The following METTL15 variants were observed in gnomAD, a reference collection of about 807,000 sequenced individuals.
The protein encoded by METTL15 is 12S rRNA N(4)-cytidine methyltransferase METTL15.
Under a neutral mutation model 38.3 loss-of-function variants are expected in METTL15, and 34 were observed. The observed-to-expected ratio is 0.89, with a 90% CI of 0.68 to 1.18. The LOEUF (loss-of-function observed/expected upper bound fraction) is 1.18. Ranked by LOEUF, METTL15 falls within the 50% of genes most tolerant of loss-of-function variation. The pLI is 0.00. For synonymous variants in METTL15, 162 were observed against 170.9 expected, an observed-to-expected ratio of 0.95 and a Z score of 0.41; for missense variants, 438 against 498.4, an observed-to-expected ratio of 0.88 and a Z score of 1.15.
At chr11:28,165,993 T>A (rs1412612024) in intron 3 of METTL15, among the ~76,000 whole-genome samples, 1 of 152,120 alleles carries the variant, frequency 6.6e-6, no homozygotes, top group Non-Finnish European at 1.5e-5. Context: ...TTCCATTGGT[T>A]GATGTGTCTG....
intron 3 of METTL15, among the ~76,000 whole-genome samples, chr11:28,201,610 G>GGTGTGTGTGTGTGTGTGTGTGTGTGT (rs71050951): frequency 0.056 from 8,211 of 145,518 alleles, 274 homozygotes; most frequent in Middle Eastern, 0.087. Context: ...GTCTTGGGAG[G>GGTGTGTGTGTGTGTGTGTGTGTGTGT]GTGTGTGTGT....
intron 3 of METTL15, among the ~76,000 whole-genome samples, chr11:28,115,480 A>T (rs994747759): frequency 2.0e-5 from 3 of 151,824 alleles, no homozygotes; most frequent in Non-Finnish European, 4.4e-5. Context: ...CTGGTCTCGA[A>T]CTCCTGACCT....
intron 3 of METTL15, among the ~76,000 whole-genome samples, chr11:28,149,026 G>A (rs1041381303): frequency 7.9e-5 from 12 of 151,790 alleles, no homozygotes; most frequent in South Asian, 2.1e-4. Context: ...GCAGTTTGAC[G>A]GCCAGACTAA....
intron 2 of METTL15, among the ~76,000 whole-genome samples, chr11:28,110,862 G>A (rs1193259759): frequency 6.6e-6 from 1 of 152,158 alleles, no homozygotes; most frequent in Non-Finnish European, 1.5e-5. Context: ...AACTTTGCTT[G>A]TAGAGAAAAG....
intron 4 of METTL15, among the ~76,000 whole-genome samples, chr11:28,255,402 A>G (rs975550291): frequency 6.6e-6 from 1 of 152,156 alleles, no homozygotes; most frequent in Non-Finnish European, 1.5e-5. Flanking sequence ...GCAAACAAGG[A>G]TAATTTGACT....
At chr11:28,303,009 G>T (rs748941206) in intron 6 of METTL15, among the ~76,000 whole-genome samples, 1 of 152,108 alleles carries the variant, frequency 6.6e-6, no homozygotes, top group East Asian at 1.9e-4. Flanking sequence ...TGTATTTGAT[G>T]TATTGATGTT....
chr11:28,340,310 T>C (rs966973869), intron 3 of METTL15, among the ~76,000 whole-genome samples: 1 of 152,090 alleles, frequency 6.6e-6, no homozygotes, highest in African/African-American at 2.4e-5. Context: ...TATTAAAAAA[T>C]AAGCTACATA....
intron 6 of METTL15, among the ~76,000 whole-genome samples, chr11:28,486,396 T>A (rs1430985373): frequency 1.3e-5 from 2 of 152,084 alleles, no homozygotes; most frequent in African/African-American, 2.4e-5. Flanking sequence ...TTTTTCCTTT[T>A]TTTTTTTCTC....
At position 28,108,467 on chromosome 11, in the gene METTL15, G is replaced by C. The variant is rs1280424636; in HGVS notation, c.-254+15G>C. 1 of 152,666 alleles carries C rather than the reference G, an allele frequency of 6.6e-6. No individual in the cohort carries two copies. The highest frequency in any genetic ancestry group is 2.4e-5 in the African/African-American group (1 of 41,472). 9.5% of individuals were successfully genotyped at this position (152,666 alleles called of 1,614,324 possible). On this transcript the variant is annotated intron_variant, in intron 1 of 6. Transcript: ENST00000407364. ...CAGAGTTAAGGGTGTGAGTGAGACT[G>C]CTGCGGGCAGGGGTTGGCCTATGCC...
At chr11:28,458,746 C>T (rs771845030) in intron 6 of METTL15, among the ~76,000 whole-genome samples, 6 of 152,130 alleles carry the variant, frequency 3.9e-5, no homozygotes, top group African/African-American at 9.7e-5. Context: ...CTATCCAGAG[C>T]GTATTCCCTT....
chr11:28,254,212 G>T (rs1357875573), intron 4 of METTL15, among the ~76,000 whole-genome samples: 1 of 152,066 alleles, frequency 6.6e-6, no homozygotes, highest in Non-Finnish European at 1.5e-5. Flanking sequence ...GTTTTGATTT[G>T]CACTTCTCTG....
At chr11:28,465,302 T>A (rs1427855474) in intron 6 of METTL15, among the ~76,000 whole-genome samples, 2 of 152,218 alleles carry the variant, frequency 1.3e-5, no homozygotes, top group African/African-American at 4.8e-5. Context: ...CCTCTTACCC[T>A]TCTTGTCCTT....
chr11:28,188,414 A>T (rs1406691449), intron 3 of METTL15, among the ~76,000 whole-genome samples: 3 of 151,292 alleles, frequency 2.0e-5, no homozygotes, highest in Non-Finnish European at 4.4e-5. Context: ...GTCAAGTCAG[A>T]TATTATTCAT....
At chr11:28,192,646 G>A (rs569606993) in intron 3 of METTL15, among the ~76,000 whole-genome samples, 4 of 152,146 alleles carry the variant, frequency 2.6e-5, no homozygotes, top group Non-Finnish European at 5.9e-5. Flanking sequence ...CACTGTTGAA[G>A]CTATCTGGAA....
chr11:28,285,095 G>A (rs757213966), intron 4 of METTL15, among the ~76,000 whole-genome samples: 70 of 152,014 alleles, frequency 4.6e-4, no homozygotes, highest in Non-Finnish European at 7.9e-4. Context: ...CCTCCCTCCC[G>A]CCCTGTGAAG....
chr11:28,153,007 G>A (rs1312628955), intron 3 of METTL15, among the ~76,000 whole-genome samples: 1 of 152,016 alleles, frequency 6.6e-6, no homozygotes, highest in East Asian at 1.9e-4. Flanking sequence ...GCTGGTGGGA[G>A]TGTCTTTTAG....
At chr11:28,258,036 T>C (rs1291647466) in intron 4 of METTL15, among the ~76,000 whole-genome samples, 3 of 152,192 alleles carry the variant, frequency 2.0e-5, no homozygotes, top group African/African-American at 7.2e-5. Flanking sequence ...TGGGAAGGCT[T>C]TCCAGAGATT....
chr11:28,394,037 T>A (rs1017258880), intron 5 of METTL15, among the ~76,000 whole-genome samples: 1 of 152,260 alleles, frequency 6.6e-6, no homozygotes, highest in African/African-American at 2.4e-5. Flanking sequence ...TATAATTACC[T>A]TTTTATGTGT....
chr11:28,373,705 A>T (rs1850272469), intron 5 of METTL15, among the ~76,000 whole-genome samples: 1 of 152,150 alleles, frequency 6.6e-6, no homozygotes, highest in Admixed American at 6.5e-5. Flanking sequence ...TTTTGTTGCC[A>T]TTGCTTTTGG....
Sources: allele counts gnomAD v4.1 joint callset (sites outside exome capture counted in the v4.1 genomes callset), GRCh38; gene constraint gnomAD v4.1.1; transcripts MANE v1.5; gene names NCBI Gene and HGNC (gene_info 2026-07-23, HGNC 2026-07-21).